The following SLC9A9 variants were observed in gnomAD, a reference collection of about 807,000 sequenced individuals.
SLC9A9 encodes the protein sodium/hydrogen exchanger 9.
A neutral mutation model predicts 77.8 loss-of-function variants in SLC9A9; 62 were observed. That is an observed-to-expected ratio of 0.80 (90% CI 0.65 to 0.98). SLC9A9 has a LOEUF of 0.98. Among genes scored for constraint, SLC9A9 ranks in the 50% least tolerant of loss-of-function variants. The pLI, the probability that SLC9A9 is intolerant of heterozygous loss-of-function variation, is 0.00. For synonymous variants in SLC9A9, 320 were observed against 283.5 expected (o/e 1.13, Z -1.29); for missense variants, 775 against 774.9 (o/e 1.00, Z 0.00).
chr3:143,357,664 T>C (rs1398158892), intron 14 of SLC9A9, among the ~76,000 whole-genome samples: 2 of 152,172 alleles, frequency 1.3e-5, no homozygotes, highest in Non-Finnish European at 1.5e-5. Context: ...ACACAGCCTG[T>C]TCTACTGTTG....
intron 4 of SLC9A9, 119 bp downstream of exon 4, chr3:143,794,882 G>A (rs2008331430): frequency 1.1e-6 from 1 of 880,478 alleles, no homozygotes; most frequent in South Asian, 1.3e-5. Context: ...ATACAAATAT[G>A]TGATATACTA....
At chr3:143,330,621 G>A (rs879299387) in intron 14 of SLC9A9, among the ~76,000 whole-genome samples, 6 of 152,162 alleles carry the variant, frequency 3.9e-5, no homozygotes, top group Admixed American at 3.9e-4. Context: ...ATCATAAAAT[G>A]TCCTCCTTCT....
intron 4 of SLC9A9, among the ~76,000 whole-genome samples, chr3:143,713,703 A>T (rs1934256602): frequency 6.6e-6 from 1 of 152,152 alleles, no homozygotes; most frequent in Admixed American, 6.5e-5. Flanking sequence ...TGCCATGGTC[A>T]GGGGGAAGTA....
chr3:143,815,810 G>A (rs1236916932), intron 2 of SLC9A9, among the ~76,000 whole-genome samples: 1 of 152,104 alleles, frequency 6.6e-6, no homozygotes, highest in Non-Finnish European at 1.5e-5. Context: ...AGGTTACAGT[G>A]AGCCGGGATC....
At chr3:143,683,328 C>T (rs997349907) in intron 5 of SLC9A9, among the ~76,000 whole-genome samples, 1 of 152,034 alleles carries the variant, frequency 6.6e-6, no homozygotes, top group African/African-American at 2.4e-5. Flanking sequence ...CTTTCACTTA[C>T]AGAAATATGA....
chr3:143,633,464 CA>C (rs1445240074), intron 6 of SLC9A9, among the ~76,000 whole-genome samples: 2 of 151,988 alleles, frequency 1.3e-5, no homozygotes, highest in Admixed American at 1.3e-4. Flanking sequence ...GAGGTTTTTT[CA>C]GGCCATAAAT....
At chr3:143,812,934 G>A (rs2008906518) in intron 2 of SLC9A9, among the ~76,000 whole-genome samples, 1 of 152,180 alleles carries the variant, frequency 6.6e-6, no homozygotes, top group African/African-American at 2.4e-5. Context: ...GGCATATGTT[G>A]TGATTTGTGT....
intron 14 of SLC9A9, among the ~76,000 whole-genome samples, chr3:143,305,796 T>C (rs2030753717): frequency 6.6e-6 from 1 of 152,154 alleles, no homozygotes. Flanking sequence ...GGGTGTGTCT[T>C]TGGCCAGAAG....
chr3:143,308,495 G>A (rs2030895244), intron 14 of SLC9A9, among the ~76,000 whole-genome samples: 1 of 151,878 alleles, frequency 6.6e-6, no homozygotes. Flanking sequence ...AGAATGGCAT[G>A]AACCCAGGAG....
chr3:143,616,713 C>T (rs886842723), intron 6 of SLC9A9, among the ~76,000 whole-genome samples: 1 of 152,110 alleles, frequency 6.6e-6, no homozygotes, highest in Non-Finnish European at 1.5e-5. Context: ...CTCACTTTCC[C>T]TAAATCCTGG....
chr3:143,649,587 C>T (rs943669470), intron 6 of SLC9A9, among the ~76,000 whole-genome samples: 3 of 152,114 alleles, frequency 2.0e-5, no homozygotes, highest in African/African-American at 7.2e-5. Flanking sequence ...CAAAGAAAAG[C>T]TGCTTTAATC....
chr3:143,267,748 T>TA (rs757334899), intron 15 of SLC9A9, among the ~76,000 whole-genome samples: 10 of 152,256 alleles, frequency 6.6e-5, no homozygotes, highest in Non-Finnish European at 1.2e-4. Flanking sequence ...CCATAGTGGA[T>TA]AATGCCAGAA....
chr3:143,623,617 G>A (rs2038262030), intron 6 of SLC9A9, among the ~76,000 whole-genome samples: 1 of 152,138 alleles, frequency 6.6e-6, no homozygotes, highest in African/African-American at 2.4e-5. Context: ...TCAAAGCAGT[G>A]TGTAGAGGGA....
At chr3:143,706,991 T>C (rs927027361) in intron 4 of SLC9A9, among the ~76,000 whole-genome samples, 9 of 152,068 alleles carry the variant, frequency 5.9e-5, no homozygotes, top group Admixed American at 4.6e-4. Flanking sequence ...GGTTAGTGAA[T>C]GGGGTGGGGG....
chr3:143,726,811 G>T (rs554775519), intron 4 of SLC9A9, among the ~76,000 whole-genome samples: 1 of 152,226 alleles, frequency 6.6e-6, no homozygotes, highest in African/African-American at 2.4e-5. Flanking sequence ...GGATATGGTT[G>T]ATTGGAAATA....
intron 4 of SLC9A9, among the ~76,000 whole-genome samples, chr3:143,704,548 A>C (rs1933904194): frequency 1.3e-5 from 2 of 152,198 alleles, no homozygotes; most frequent in African/African-American, 4.8e-5. Flanking sequence ...TCAAAAAACT[A>C]AAAAACCAGC....
chr3:143,833,212 A>T (rs954910443), intron 1 of SLC9A9, among the ~76,000 whole-genome samples: 5 of 152,274 alleles, frequency 3.3e-5, no homozygotes, highest in South Asian at 4.1e-4. Context: ...AAAACTTCTA[A>T]TTTTGGAGAT....
intron 6 of SLC9A9, among the ~76,000 whole-genome samples, chr3:143,622,747 T>C (rs1242604486): frequency 6.6e-6 from 1 of 152,108 alleles, no homozygotes; most frequent in Non-Finnish European, 1.5e-5. Context: ...AATGACAGGA[T>C]CAAATTCACA....
chr3:143,726,494 A>AG (rs1934660012), intron 4 of SLC9A9, among the ~76,000 whole-genome samples: 1 of 152,232 alleles, frequency 6.6e-6, no homozygotes, highest in Non-Finnish European at 1.5e-5. Flanking sequence ...AGGTAAAAAA[A>AG]GTAGGGAATA....
Sources: gnomAD v4.1 joint callset for allele counts (sites outside exome capture counted in the v4.1 genomes callset) on GRCh38, gnomAD v4.1.1 for gene constraint, MANE v1.5 for transcripts, NCBI Gene and HGNC (gene_info 2026-07-23, HGNC 2026-07-21) for gene names.